Variants in PRDM11 observed in about 807,000 individuals in gnomAD.
The protein encoded by PRDM11 is PR domain-containing protein 11.
A neutral mutation model predicts 97.8 loss-of-function variants in PRDM11; 20 were observed. That is an observed-to-expected ratio of 0.20 (90% confidence interval 0.14 to 0.30). The LOEUF is 0.30. Ranked by LOEUF, PRDM11 falls within the 10% of genes least tolerant of loss-of-function variation. The probability of loss-of-function intolerance (pLI) is 1.00; values close to 1 mark genes in which losing one functional copy is unlikely to be tolerated. For synonymous variants in PRDM11, 599 were observed against 637.7 expected, an observed-to-expected ratio of 0.94 and a Z score of 0.91; for missense variants, 1,139 against 1,555.2, an observed-to-expected ratio of 0.73 and a Z score of 4.50.
intron 4 of PRDM11, among the ~76,000 whole-genome samples, chr11:45,200,736 C>G (rs1184534282): frequency 6.6e-6 from 1 of 152,210 alleles, no homozygotes; most frequent in African/African-American, 2.4e-5. Context: ...AGGGTCCCTG[C>G]AGACTGGAGC....
chr11:45,210,928 C>T (rs1022681036), intron 5 of PRDM11, among the ~76,000 whole-genome samples: 10 of 152,188 alleles, frequency 6.6e-5, no homozygotes, highest in Non-Finnish European at 1.5e-5. Context: ...CTGCATCCTG[C>T]TCCGCTCACC....
chr11:45,095,745 A>G (rs898719736), upstream of PRDM11: 9 of 692,596 alleles, frequency 1.3e-5, no homozygotes, highest in African/African-American at 1.3e-4. Flanking sequence ...GCAGATTATG[A>G]TGGCCGCAGA....
rs918904529 is a variant in PRDM11, at chr11:45,229,871, C to T, written c.*1712C>T. The stretch of plus-strand genomic sequence containing the variant: ...GCCACAGGCAAGGCCCCAATGTCTT[C>T]AGCCTGCTTGGTTCAGACATTATAA... On this transcript the variant is annotated 3_prime_UTR_variant, in exon 8 of 8. Transcript: ENST00000683152. The T allele has an allele frequency of 3.3e-5, 5 of 152,208 alleles. No individual in the cohort carries two copies. The highest frequency in any genetic ancestry group is 1.2e-4 in the African/African-American group (5 of 41,444). 9.4% of individuals were successfully genotyped at this position (152,208 alleles called of 1,614,324 possible). A position where few individuals can be genotyped will look rare whatever the true frequency, so the allele number is the denominator to read the frequency against.
At chr11:45,096,886 G>C (rs190047450) in intron 1 of PRDM11, among the ~76,000 whole-genome samples, 2 of 152,178 alleles carry the variant, frequency 1.3e-5, no homozygotes, top group Non-Finnish European at 1.5e-5. Flanking sequence ...AGGAACTCCT[G>C]CCTGCTCATC....
At position 45,227,301 on chromosome 11, in the gene PRDM11, G is replaced by T. The variant is rs764637700; in HGVS notation, c.2676G>T (p.Ser892=). 18 of 1,533,834 alleles carry T rather than the reference G, an allele frequency of 1.2e-5. 1 individual carries two copies. Among genetic ancestry groups the T allele is most frequent in the Middle Eastern group, 2.3e-4 (1 of 4,380 alleles). ...YFLLDVIAVL[S]RLAYIFQGEY... ...TGCTGGACGTGATTGCTGTGCTCTC[G>T]CGTCTGGCCTACATCTTCCAGGGCG... The change falls in exon 8 of 8, where the codon TCG becomes TCT. Residue 892 remains serine (S), a synonymous_variant. Coordinates refer to ENST00000683152, the MANE Select transcript of PRDM11 (RefSeq NM_001384648.1). This position sits in a 1 kb window ranked among gnomAD's most constrained non-coding sequence, Gnocchi z 8.0.
Position 45,224,510 on chromosome 11 carries a change from GCAA to G in PRDM11, c.1043_1045del (p.Thr348del). 5 of 1,614,156 alleles carry G rather than the reference GCAA, an allele frequency of 3.1e-6. No homozygotes were observed. The highest frequency in any genetic ancestry group is 4.2e-6 in the Non-Finnish European group (5 of 1,180,030). Reference sequence around the variant, plus strand: ...CCAGGATGACGCCTACAGTCAGTGTGCAACAACAATGACCCATGGTGTGCAGAA... The same window carrying G: ...CCAGGATGACGCCTACAGTCAGTGTGCAACAATGACCCATGGTGTGCAGAA... On this transcript the variant is annotated inframe_deletion, in exon 7 of 8. Coordinates refer to ENST00000683152, the MANE Select transcript of PRDM11 (RefSeq NM_001384648.1).
intron 1 of PRDM11, among the ~76,000 whole-genome samples, chr11:45,139,768 T>A (rs1452969137): frequency 6.6e-6 from 1 of 152,116 alleles, no homozygotes; most frequent in Non-Finnish European, 1.5e-5. Context: ...TATGTGCCTA[T>A]GTGTTGGTCT....
rs533713452 is a variant in PRDM11, at chr11:45,229,515, C to T, written c.*1356C>T. 1 of 134,834 alleles carries T rather than the reference C, an allele frequency of 7.4e-6. No homozygotes were observed. Among genetic ancestry groups the T allele is most frequent in the South Asian group, 2.5e-4 (1 of 4,076 alleles). The allele number at this position is 134,834 out of a possible 1,614,324, so 8.4% of individuals were successfully genotyped here. The stretch of plus-strand genomic sequence containing the variant: ...ACACACACACAGACACACACACACA[C>T]ACACAATCACAATATACAATATAAG... On this transcript the variant is annotated 3_prime_UTR_variant, in exon 8 of 8. Transcript: ENST00000683152.
At chr11:45,101,149 C>A (rs934234320) in intron 1 of PRDM11, among the ~76,000 whole-genome samples, 1 of 152,262 alleles carries the variant, frequency 6.6e-6, no homozygotes, top group Middle Eastern at 3.4e-3. Context: ...AGAGGTGTGT[C>A]TGTTCCATGA....
intron 1 of PRDM11, among the ~76,000 whole-genome samples, chr11:45,097,876 G>A (rs1851910914): frequency 6.6e-6 from 1 of 152,270 alleles, no homozygotes; most frequent in African/African-American, 2.4e-5. Context: ...GAATATGACA[G>A]TTCTCCAAGG....
intron 1 of PRDM11, among the ~76,000 whole-genome samples, chr11:45,136,481 G>A (rs1422472684): frequency 6.6e-6 from 1 of 152,152 alleles, no homozygotes; most frequent in African/African-American, 2.4e-5. Flanking sequence ...ACATAGGCAG[G>A]TGGAAGACAG....
In PRDM11 at chr11:45,226,290, C is replaced by T; in HGVS notation, c.1665C>T (p.His555=). ...FIIGSKQFKI[H]TIKLHSQSNL... ...TTGGCTCCAAGCAGTTTAAGATTCA[C>T]ACCATCAAACTTCACAGCCAGAGCA... Residue 555 remains histidine (H), a synonymous_variant, in exon 8 of 8, where the codon CAC becomes CAT. Transcript: ENST00000683152. The T allele has an allele frequency of 6.5e-7, 1 of 1,533,998 alleles. No homozygotes were observed. The highest frequency in any genetic ancestry group is 8.7e-7 in the Non-Finnish European group (1 of 1,146,748).
rs558721145 is a variant in PRDM11 at position 45,163,355 on chromosome 11, C to T, written c.-7+16478C>T. Among the ~76,000 whole-genome samples, 17 of 152,302 alleles carry T rather than the reference C, an allele frequency of 1.1e-4. 1 individual carries two copies. The East Asian group carries it at 3.3e-3, about 29-fold the overall frequency. The stretch of plus-strand genomic sequence containing the variant: ...TTTCAATAACGAGCCCATCTTTAAC[C>T]AAGGTCTTGGACAAGGTCCCACAGG... On this transcript the variant is annotated intron_variant, in intron 1 of 7. Coordinates refer to ENST00000683152, the MANE Select transcript of PRDM11 (RefSeq NM_001384648.1).
intron 1 of PRDM11, among the ~76,000 whole-genome samples, chr11:45,174,223 A>G (rs973821102): frequency 2.1e-4 from 32 of 152,158 alleles, no homozygotes; most frequent in Middle Eastern, 3.2e-3. Context: ...TAGTTTGTCT[A>G]TTCTCATTTC....
chr11:45,199,032 C>G (rs1853231712), intron 4 of PRDM11, among the ~76,000 whole-genome samples: 1 of 151,942 alleles, frequency 6.6e-6, no homozygotes, highest in South Asian at 2.1e-4. Flanking sequence ...TGAAGGTACT[C>G]CATAAGTGGT....
chr11:45,109,169 GTCACC>G (rs1852122062), intron 1 of PRDM11, among the ~76,000 whole-genome samples: 1 of 152,178 alleles, frequency 6.6e-6, no homozygotes, highest in Non-Finnish European at 1.5e-5. Flanking sequence ...CCCTCTTTGG[GTCACC>G]TCCTATTTCT....
At chr11:45,148,879 G>C (rs1851591766) in intron 1 of PRDM11, among the ~76,000 whole-genome samples, 1 of 152,082 alleles carries the variant, frequency 6.6e-6, no homozygotes, top group South Asian at 2.1e-4. Context: ...CTGCTCTCTT[G>C]GCTGTCTCAT....
chr11:45,194,590 C>CTTT (rs1183339151), intron 4 of PRDM11, among the ~76,000 whole-genome samples: 9,663 of 89,426 alleles, frequency 0.11, 1,808 homozygotes, highest in Non-Finnish European at 0.14. Flanking sequence ...TTATTATCTT[C>CTTT]TGTTTTTTTT....
intron 1 of PRDM11, among the ~76,000 whole-genome samples, chr11:45,111,741 T>C (rs1402798381): frequency 2.0e-5 from 3 of 152,114 alleles, no homozygotes; most frequent in Non-Finnish European, 4.4e-5. Context: ...GGAGAAATGC[T>C]TCCATCGCGG....
Sources: gnomAD v4.1 joint callset for allele counts (sites outside exome capture counted in the v4.1 genomes callset) on GRCh38, gnomAD v4.1.1 for gene constraint, Gnocchi (gnomAD v3.1) non-coding constraint, MANE v1.5 for transcripts, NCBI Gene and HGNC (gene_info 2026-07-23, HGNC 2026-07-21) for gene names.